Variants in NCAM2 observed in about 807,000 individuals in gnomAD.
NCAM2 encodes the protein neural cell adhesion molecule 2.
A neutral mutation model predicts 98.1 loss-of-function variants in NCAM2; 30 were observed. The observed-to-expected ratio is 0.31, with a 90% CI of 0.23 to 0.41. NCAM2 has a LOEUF of 0.41. Ranked by LOEUF, NCAM2 falls within the 10% of genes least tolerant of loss-of-function variation. The pLI, the probability that NCAM2 is intolerant of heterozygous loss-of-function variation, is 1.00. For missense variants in NCAM2, 867 were observed against 1,005.8 expected (o/e 0.86, Z 1.87); for synonymous variants, 368 against 342.4 (o/e 1.07, Z -0.83).
intron 1 of NCAM2, among the ~76,000 whole-genome samples, chr21:21,265,326 TATA>T (rs1183507056): frequency 7.7e-6 from 1 of 130,492 alleles, no homozygotes; most frequent in Non-Finnish European, 1.6e-5. Flanking sequence ...TATATACACA[TATA>T]TAATATATAT....
chr21:21,262,927 ATT>A (rs2147356379), intron 1 of NCAM2, among the ~76,000 whole-genome samples: 1 of 152,210 alleles, frequency 6.6e-6, no homozygotes, highest in South Asian at 2.1e-4. Context: ...CATGAAACTT[ATT>A]CACTGTCATG....
chr21:21,054,417 G>A (rs1363857280), intron 1 of NCAM2, among the ~76,000 whole-genome samples: 1 of 151,934 alleles, frequency 6.6e-6, no homozygotes, highest in Non-Finnish European at 1.5e-5. Context: ...AAATGTTAAG[G>A]TTGTAACTGT....
rs138597484 is a variant in NCAM2 at position 21,161,584 on chromosome 21, T to TGAGA, written c.56-118976_56-118973dup. 1.0e-3 allele frequency among the ~76,000 whole-genome samples: 152 copies of TGAGA among 146,224 alleles called. 1 individual carries two copies. Among genetic ancestry groups the TGAGA allele is most frequent in the Non-Finnish European group, 1.7e-3 (114 of 65,948 alleles). On this transcript the variant is annotated intron_variant, in intron 1 of 17. Transcript: ENST00000400546. ...ATTTGTGTGTGTGTGTGTGTGTATG[T>TGAGA]GAGAGAGAGAGAGAGAGAGAGCAAG...
At chr21:21,225,718 A>G (rs113156927) in intron 1 of NCAM2, among the ~76,000 whole-genome samples, 6 of 152,210 alleles carry the variant, frequency 3.9e-5, no homozygotes, top group African/African-American at 1.4e-4. Flanking sequence ...TATGCAGCAA[A>G]TTAAAATTAA....
chr21:21,451,951 A>G (rs764922282), intron 12 of NCAM2, among the ~76,000 whole-genome samples: 11 of 152,032 alleles, frequency 7.2e-5, no homozygotes, highest in Non-Finnish European at 1.5e-4. Flanking sequence ...CTCATACTAC[A>G]TTCTTTATCT....
At chr21:21,509,158 G>T in intron 16 of NCAM2, 103 bp downstream of exon 16, 1 of 1,063,818 alleles carries the variant, frequency 9.4e-7, no homozygotes, top group Non-Finnish European at 1.4e-6. Flanking sequence ...AGGGTAAAGA[G>T]TTTGATTATG....
At chr21:21,130,873 C>T (rs999604675) in intron 1 of NCAM2, among the ~76,000 whole-genome samples, 1 of 152,102 alleles carries the variant, frequency 6.6e-6, no homozygotes, top group Non-Finnish European at 1.5e-5. Flanking sequence ...TTTTAGTTCA[C>T]ATTTTTCTAA....
intron 1 of NCAM2, among the ~76,000 whole-genome samples, chr21:21,015,182 A>G (rs1257196060): frequency 6.6e-6 from 1 of 151,804 alleles, no homozygotes; most frequent in Non-Finnish European, 1.5e-5. Context: ...AGAATATTAC[A>G]TACACTTAGT....
intron 1 of NCAM2, among the ~76,000 whole-genome samples, chr21:21,125,951 A>G (rs1401206060): frequency 6.6e-6 from 1 of 151,664 alleles, no homozygotes; most frequent in African/African-American, 2.4e-5. Flanking sequence ...AATTTAACCA[A>G]CCAAAATTAT....
At chr21:21,099,936 T>A (rs1354194042) in intron 1 of NCAM2, among the ~76,000 whole-genome samples, 1 of 150,304 alleles carries the variant, frequency 6.7e-6, no homozygotes, top group Non-Finnish European at 1.5e-5. Flanking sequence ...TTTCTATTGA[T>A]CAGCACAGAT....
chr21:21,003,531 G>A (rs1015353163), intron 1 of NCAM2, among the ~76,000 whole-genome samples: 5 of 151,986 alleles, frequency 3.3e-5, no homozygotes, highest in African/African-American at 7.3e-5. Flanking sequence ...CTTGATGCTC[G>A]GCCATGAGGA....
chr21:21,512,515 G>A (rs191465069), intron 16 of NCAM2, among the ~76,000 whole-genome samples: 100 of 152,082 alleles, frequency 6.6e-4, no homozygotes, highest in Admixed American at 1.4e-3. Flanking sequence ...TTGAAGTTAG[G>A]TAATGTCATT....
At chr21:21,313,674 TA>T (rs2074127245) in intron 5 of NCAM2, among the ~76,000 whole-genome samples, 1 of 152,048 alleles carries the variant, frequency 6.6e-6, no homozygotes, top group African/African-American at 2.4e-5. Context: ...TTCATGAAAT[TA>T]AGCCATTTAC....
At chr21:21,461,028 A>G (rs1184253330) in intron 12 of NCAM2, among the ~76,000 whole-genome samples, 1 of 151,810 alleles carries the variant, frequency 6.6e-6, no homozygotes, top group Non-Finnish European at 1.5e-5. Context: ...AAATTTAGCA[A>G]TTTTCTGGTT....
chr21:21,061,826 T>G lies in NCAM2; in HGVS notation c.55+63208T>G, dbSNP rs574168164. 9.8e-5 allele frequency among the ~76,000 whole-genome samples: 15 copies of G among 152,296 alleles called. No individual in the cohort carries two copies. In the East Asian group the frequency reaches 2.9e-3, roughly 29 times the overall value. ...AATCTATTAAATATTCATCATAGGTTTTAAAAATTATGTATTCACTTACAG... is the reference window on the plus strand; with the variant it reads ...AATCTATTAAATATTCATCATAGGTGTTAAAAATTATGTATTCACTTACAG... On this transcript the variant is annotated intron_variant, in intron 1 of 17. Coordinates refer to ENST00000400546, the MANE Select transcript of NCAM2 (RefSeq NM_004540.5).
chr21:21,253,243 G>A (rs1274430005), intron 1 of NCAM2, among the ~76,000 whole-genome samples: 1 of 152,124 alleles, frequency 6.6e-6, no homozygotes, highest in African/African-American at 2.4e-5. Context: ...AATTCATTAA[G>A]CAATTTGAAT....
At chr21:21,412,197 T>C (rs2076900334) in intron 10 of NCAM2, among the ~76,000 whole-genome samples, 1 of 152,202 alleles carries the variant, frequency 6.6e-6, no homozygotes, top group Non-Finnish European at 1.5e-5. Context: ...GACTTGTACT[T>C]GGCCGCCTTC....
chr21:21,428,913 C>T (rs538977071), intron 11 of NCAM2, among the ~76,000 whole-genome samples: 29 of 152,164 alleles, frequency 1.9e-4, no homozygotes, highest in African/African-American at 6.7e-4. Flanking sequence ...TCACTTTGTT[C>T]TATGTTACAT....
Position 21,277,091 on chromosome 21 carries a change from A to T in NCAM2, c.56-3487A>T, listed in dbSNP as rs185416795. On this transcript the variant is annotated intron_variant, in intron 1 of 17. Coordinates refer to ENST00000400546, the MANE Select transcript of NCAM2 (RefSeq NM_004540.5). ...GAAAAGCAAATTTACTCCTAAGGTC[A>T]GTGGTAGGCATTAAGTAATAATTCA... Among the ~76,000 whole-genome samples the T allele has an allele frequency of 2.4e-3, 371 of 152,228 alleles. 1 individual carries two copies. Among genetic ancestry groups the T allele is most frequent in the Non-Finnish European group, 4.2e-3 (285 of 67,956 alleles).
Sources: gnomAD v4.1 joint callset for allele counts (sites outside exome capture counted in the v4.1 genomes callset) on GRCh38, gnomAD v4.1.1 for gene constraint, MANE v1.5 for transcripts, NCBI Gene and HGNC (gene_info 2026-07-23, HGNC 2026-07-21) for gene names.